The following GRM8 variants were observed in gnomAD, a reference collection of about 807,000 sequenced individuals.
GRM8 encodes metabotropic glutamate receptor 8.
A neutral mutation model predicts 87.2 loss-of-function variants in GRM8; 47 were observed. That is an observed-to-expected ratio of 0.54 (90% CI 0.43 to 0.69). GRM8 has a LOEUF of 0.69. Ranked by LOEUF, GRM8 falls within the 30% of genes least tolerant of loss-of-function variation. The pLI is 0.00. For synonymous variants in GRM8, 396 were observed against 404.5 expected (o/e 0.98, Z 0.25); for missense variants, 1,019 against 1,139.2 (o/e 0.89, Z 1.52).
At chr7:126,875,307 T>C (rs1799441914) in intron 6 of GRM8, among the ~76,000 whole-genome samples, 1 of 151,262 alleles carries the variant, frequency 6.6e-6, no homozygotes. Flanking sequence ...GAATAAACTG[T>C]TAAAGGGCCA....
chr7:127,173,396 A>G (rs531892761), intron 2 of GRM8, among the ~76,000 whole-genome samples: 12 of 152,152 alleles, frequency 7.9e-5, no homozygotes, highest in Non-Finnish European at 1.3e-4. Flanking sequence ...AGCAAAGGTC[A>G]TGGGGAAGGG....
At chr7:127,181,333 A>G (rs1794420598) in intron 2 of GRM8, among the ~76,000 whole-genome samples, 1 of 152,150 alleles carries the variant, frequency 6.6e-6, no homozygotes, top group Non-Finnish European at 1.5e-5. Context: ...AACACTGTTG[A>G]AAGAAATCAT....
At chr7:126,650,885 C>T (rs916562849) in intron 7 of GRM8, among the ~76,000 whole-genome samples, 8 of 152,072 alleles carry the variant, frequency 5.3e-5, no homozygotes, top group Admixed American at 1.3e-4. Flanking sequence ...CGCATGGGCT[C>T]AGCAACATGG....
intron 7 of GRM8, among the ~76,000 whole-genome samples, chr7:126,721,501 C>A (rs1047969841): frequency 6.6e-6 from 1 of 152,086 alleles, no homozygotes; most frequent in African/African-American, 2.4e-5. Context: ...TTGCCCACAA[C>A]ACTTATTGTG....
chr7:126,860,114 T>C (rs1798028412), intron 6 of GRM8, among the ~76,000 whole-genome samples: 1 of 152,194 alleles, frequency 6.6e-6, no homozygotes. Context: ...AAAGGACAAA[T>C]AACTTACAAA....
At chr7:126,637,033 G>A (rs1291620605) in intron 7 of GRM8, among the ~76,000 whole-genome samples, 1 of 151,948 alleles carries the variant, frequency 6.6e-6, no homozygotes, top group Non-Finnish European at 1.5e-5. Context: ...TTATCTCATT[G>A]GAGAGGAGGA....
intron 7 of GRM8, among the ~76,000 whole-genome samples, chr7:126,742,478 C>A (rs962262070): frequency 6.6e-6 from 1 of 151,840 alleles, no homozygotes; most frequent in African/African-American, 2.4e-5. Flanking sequence ...CAAGGATTAA[C>A]CTCACAGCCC....
intron 7 of GRM8, among the ~76,000 whole-genome samples, chr7:126,637,094 A>G (rs1241772751): frequency 6.6e-6 from 1 of 152,094 alleles, no homozygotes; most frequent in East Asian, 1.9e-4. Context: ...TTGTATATCA[A>G]CAAAAGAAAA....
intron 9 of GRM8, among the ~76,000 whole-genome samples, chr7:126,496,872 C>T (rs1042516754): frequency 2.6e-5 from 4 of 151,828 alleles, no homozygotes; most frequent in African/African-American, 9.7e-5. Flanking sequence ...TAATCTCCCC[C>T]CCACAGGTGA....
intron 8 of GRM8, among the ~76,000 whole-genome samples, chr7:126,590,649 A>G (rs1796588203): frequency 6.6e-6 from 1 of 152,282 alleles, no homozygotes; most frequent in African/African-American, 2.4e-5. Context: ...TGTAAAGGAA[A>G]ACCTATCAGA....
intron 2 of GRM8, among the ~76,000 whole-genome samples, chr7:127,217,007 A>T (rs1796599280): frequency 6.6e-6 from 1 of 152,176 alleles, no homozygotes; most frequent in Admixed American, 6.5e-5. Flanking sequence ...CAGTATCTTA[A>T]ATTATCAAGT....
chr7:126,455,518 C>T (rs1481056860), intron 9 of GRM8, among the ~76,000 whole-genome samples: 1 of 151,684 alleles, frequency 6.6e-6, no homozygotes, highest in Non-Finnish European at 1.5e-5. Flanking sequence ...TGTTATTAAT[C>T]AGCTACTTTC....
intron 7 of GRM8, among the ~76,000 whole-genome samples, chr7:126,715,732 T>C (rs539902642): frequency 1.3e-3 from 197 of 152,290 alleles, no homozygotes; most frequent in Non-Finnish European, 2.4e-3. Flanking sequence ...TTTGCACCCA[T>C]CTCTATCTCT....
chr7:126,758,721 A>T (rs1817278876), intron 7 of GRM8, among the ~76,000 whole-genome samples: 1 of 152,168 alleles, frequency 6.6e-6, no homozygotes, highest in Non-Finnish European at 1.5e-5. Context: ...AAAATTGAGT[A>T]ATTGTTCACT....
At chr7:126,452,296 A>AG (rs1206473592) in intron 9 of GRM8, among the ~76,000 whole-genome samples, 4 of 100,860 alleles carry the variant, frequency 4.0e-5, no homozygotes, top group African/African-American at 1.5e-4. Flanking sequence ...GGGTGGGGGG[A>AG]GGGGGGAGGG....
At chr7:126,823,982 G>A (rs1408864745) in intron 6 of GRM8, among the ~76,000 whole-genome samples, 4 of 152,110 alleles carry the variant, frequency 2.6e-5, no homozygotes, top group Non-Finnish European at 5.9e-5. Context: ...CAAAGCAGAG[G>A]TTCAGGGAGA....
intron 8 of GRM8, among the ~76,000 whole-genome samples, chr7:126,544,326 C>A (rs899854912): frequency 3.9e-5 from 6 of 152,034 alleles, no homozygotes; most frequent in Admixed American, 6.5e-5. Context: ...TTTGAGTAGG[C>A]CTGGCTTTAG....
intron 7 of GRM8, among the ~76,000 whole-genome samples, chr7:126,651,088 C>A (rs1803800383): frequency 6.6e-6 from 1 of 152,166 alleles, no homozygotes; most frequent in South Asian, 2.1e-4. Context: ...CTGGAATAGA[C>A]ATGTACTCCA....
chr7:126,612,342 C>T (rs937858834), intron 7 of GRM8, among the ~76,000 whole-genome samples: 8 of 152,096 alleles, frequency 5.3e-5, no homozygotes, highest in African/African-American at 9.7e-5. Context: ...AATTCCGGTC[C>T]CTAAATTCAT....
Sources: allele counts gnomAD v4.1 joint callset (sites outside exome capture counted in the v4.1 genomes callset), GRCh38; gene constraint gnomAD v4.1.1; transcripts MANE v1.5; gene names NCBI Gene and HGNC (gene_info 2026-07-23, HGNC 2026-07-21).